Variants in CDH5 observed in about 807,000 individuals in gnomAD.
CDH5 encodes the protein cadherin 5.
A neutral mutation model predicts 62.0 loss-of-function variants in CDH5; 28 were observed. That is an observed-to-expected ratio of 0.45 (90% CI 0.33 to 0.62). CDH5 has a LOEUF of 0.62. CDH5 is among the 20% of genes least tolerant of loss of function. CDH5 has a pLI of 0.02. For missense variants in CDH5, 940 were observed against 1,065.1 expected, an observed-to-expected ratio of 0.88 and a Z score of 1.63; for synonymous variants, 464 against 445.8, an observed-to-expected ratio of 1.04 and a Z score of -0.52.
chr16:66,381,207 G>A (rs75738337), intron 2 of CDH5, among the ~76,000 whole-genome samples: 1 of 152,136 alleles, frequency 6.6e-6, no homozygotes, highest in African/African-American at 2.4e-5. Context: ...GGCTATCCCT[G>A]GTTCCCTGTG....
rs1328909668 is a variant in CDH5, at chr16:66,400,764, T to G, written c.1592-7T>G. 6.2e-7 allele frequency: 1 copy of G among 1,614,126 alleles called. No homozygotes were observed. The highest frequency in any genetic ancestry group is 2.2e-5 in the East Asian group (1 of 44,880). On this transcript the variant is annotated splice_polypyrimidine_tract_variant and splice_region_variant and intron_variant, in intron 10 of 11. Transcript: ENST00000341529. ...AAAGCCTGACTCCGAGGCCTTGGTG[T>G]TTCCAGATAACACGGCCAACATCAC...
chr16:66,386,505 T>C (rs1960985532), intron 2 of CDH5, among the ~76,000 whole-genome samples: 1 of 152,200 alleles, frequency 6.6e-6, no homozygotes, highest in African/African-American at 2.4e-5. Flanking sequence ...GTTTAGCTCC[T>C]ACTTATAAGT....
intron 7 of CDH5, among the ~76,000 whole-genome samples, chr16:66,393,864 CTTA>C (rs1961129889): frequency 6.6e-6 from 1 of 152,124 alleles, no homozygotes; most frequent in Admixed American, 6.5e-5. Context: ...ATTAAGTCTT[CTTA>C]TTAAGGACAA....
chr16:66,380,515 G>A (rs1263810782), intron 2 of CDH5, among the ~76,000 whole-genome samples: 1 of 150,190 alleles, frequency 6.7e-6, no homozygotes, highest in Admixed American at 6.6e-5. Context: ...GATGATAAAG[G>A]GGTAGGTGGT....
intron 1 of CDH5, among the ~76,000 whole-genome samples, chr16:66,373,633 T>C (rs1960732791): frequency 6.6e-6 from 1 of 152,026 alleles, no homozygotes. Context: ...CCCAGGCTGG[T>C]CTCGAACTCC....
At chr16:66,371,879 C>T (rs942446196) in intron 1 of CDH5, among the ~76,000 whole-genome samples, 11 of 152,148 alleles carry the variant, frequency 7.2e-5, no homozygotes, top group African/African-American at 2.7e-4. Flanking sequence ...AGCCAGGGGT[C>T]CCAGGCAGTC....
chr16:66,388,999 C>T (rs1467242925), intron 4 of CDH5, among the ~76,000 whole-genome samples: 1 of 152,216 alleles, frequency 6.6e-6, no homozygotes, highest in African/African-American at 2.4e-5. Context: ...GTGGAACTGT[C>T]TTTCAGAGAG....
chr16:66,375,882 G>T (rs1003780096), intron 1 of CDH5, among the ~76,000 whole-genome samples: 1 of 151,696 alleles, frequency 6.6e-6, no homozygotes, highest in Non-Finnish European at 1.5e-5. Context: ...CTGACGCGGC[G>T]GATCGCCTGA....
intron 8 of CDH5, 102 bp from the exon 9 acceptor site, chr16:66,397,880 C>T: frequency 7.3e-7 from 1 of 1,373,914 alleles, no homozygotes; most frequent in Non-Finnish European, 1.0e-6. Flanking sequence ...CCTCCTCCTG[C>T]AAAAAGTGGC....
chr16:66,397,423 T>C (rs1162367901), intron 8 of CDH5, among the ~76,000 whole-genome samples: 2 of 152,182 alleles, frequency 1.3e-5, no homozygotes, highest in Non-Finnish European at 2.9e-5. Flanking sequence ...GGTCTCACCA[T>C]GTTTCCCAGG....
chr16:66,395,532 CTTCTG>C (rs1445659005), intron 7 of CDH5: 6 of 47,914 alleles, frequency 1.3e-4, no homozygotes, highest in South Asian at 6.8e-4. Context: ...TTTGTTATTT[CTTCTG>C]TTCTGTTTGT....
rs1961108761 is a variant in CDH5 at position 66,392,615 on chromosome 16, C to G, written c.1217+232C>G. The G allele has an allele frequency of 5.4e-6, 3 of 556,674 alleles. No homozygotes were observed. The South Asian group carries it at 6.3e-5, about 12-fold the overall frequency. 34.5% of individuals were successfully genotyped at this position (556,674 alleles called of 1,614,324 possible). A position where few individuals can be genotyped will look rare whatever the true frequency, so the allele number is the denominator to read the frequency against. On this transcript the variant is annotated intron_variant, in intron 7 of 11. Transcript: ENST00000341529. ...TCCTGGGCATCCAGAGCTACTTGTCCTCTGTCCGGCCTTGAAGGCTTATTC... is the reference window on the plus strand; with the variant it reads ...TCCTGGGCATCCAGAGCTACTTGTCGTCTGTCCGGCCTTGAAGGCTTATTC...
intron 10 of CDH5, among the ~76,000 whole-genome samples, chr16:66,399,698 T>C (rs918142572): frequency 6.6e-6 from 1 of 152,138 alleles, no homozygotes; most frequent in African/African-American, 2.4e-5. Context: ...GGATCTGCAA[T>C]ACAGTAGAAA....
At position 66,373,481 on chromosome 16, in the gene CDH5, T is replaced by C. The variant is rs1204263136; in HGVS notation, c.-19-5838T>C. Among the ~76,000 whole-genome samples the C allele has an allele frequency of 2.0e-5, 3 of 151,168 alleles. No homozygotes were observed. The South Asian group carries it at 6.3e-4, about 32-fold the overall frequency. On this transcript the variant is annotated intron_variant, in intron 1 of 11. Transcript: ENST00000341529. ...CCCAGGCTGGAGTGCAGTGGCAGGATCTCAACTCACTGCAACCCCCGCCTC... is the reference window on the plus strand; with the variant it reads ...CCCAGGCTGGAGTGCAGTGGCAGGACCTCAACTCACTGCAACCCCCGCCTC...
At chr16:66,397,080 AT>A (rs1444878797) in intron 8 of CDH5, among the ~76,000 whole-genome samples, 1 of 152,264 alleles carries the variant, frequency 6.6e-6, no homozygotes, top group Admixed American at 6.5e-5. Context: ...GACAGTTACT[AT>A]TAGCACATTC....
At chr16:66,391,500 C>T (rs1596941120) in intron 6 of CDH5, among the ~76,000 whole-genome samples, 1 of 151,978 alleles carries the variant, frequency 6.6e-6, no homozygotes, top group Non-Finnish European at 1.5e-5. Flanking sequence ...CGGCCGGGCC[C>T]GGTGGTTCAC....
chr16:66,378,484 A>G (rs1376943079), intron 1 of CDH5, among the ~76,000 whole-genome samples: 3 of 152,244 alleles, frequency 2.0e-5, no homozygotes, highest in East Asian at 1.9e-4. Context: ...AAACAGTGCC[A>G]GGCAAAAAAT....
chr16:66,389,751 A>G (rs1362041186), intron 5 of CDH5, among the ~76,000 whole-genome samples: 5 of 152,124 alleles, frequency 3.3e-5, no homozygotes, highest in Non-Finnish European at 7.4e-5. Context: ...CATAGGCCAG[A>G]GGGAAATCCC....
intron 1 of CDH5, among the ~76,000 whole-genome samples, chr16:66,377,988 G>A (rs1254554238): frequency 3.3e-5 from 5 of 152,210 alleles, no homozygotes; most frequent in Non-Finnish European, 4.4e-5. Context: ...ATGTTCTGTC[G>A]CCTTCTTAAA....
Sources: gnomAD v4.1 joint callset for allele counts (sites outside exome capture counted in the v4.1 genomes callset) on GRCh38, gnomAD v4.1.1 for gene constraint, MANE v1.5 for transcripts, NCBI Gene and HGNC (gene_info 2026-07-23, HGNC 2026-07-21) for gene names.